PTPN2: variants seen among roughly 807,000 people sequenced by gnomAD.
PTPN2 encodes tyrosine-protein phosphatase non-receptor type 2.
Under a neutral mutation model 57.3 loss-of-function variants are expected in PTPN2, and 19 were observed. The observed-to-expected ratio is 0.33, with a 90% CI of 0.23 to 0.49. The LOEUF is 0.49. PTPN2 is among the 20% of genes least tolerant of loss of function. The probability of loss-of-function intolerance (pLI) is 0.99; values close to 1 mark genes in which losing one functional copy is unlikely to be tolerated. For missense variants in PTPN2, 358 were observed against 501.1 expected (o/e 0.71, Z 2.73); for synonymous variants, 153 against 164.9 (o/e 0.93, Z 0.55).
At chr18:12,790,737 C>T (rs1007750041), downstream of PTPN2, among the ~76,000 whole-genome samples, 10 of 152,178 alleles carry the variant, frequency 6.6e-5, no homozygotes, top group Non-Finnish European at 1.5e-5. Flanking sequence ...ACACATTTTT[C>T]GATTCATACC....
At chr18:12,813,245 C>T (rs751653783) in intron 7 of PTPN2, among the ~76,000 whole-genome samples, 10 of 152,168 alleles carry the variant, frequency 6.6e-5, no homozygotes, top group Non-Finnish European at 1.5e-4. Context: ...TCTTAAACAT[C>T]TGAAATAACT....
rs76839599 is a variant in PTPN2, at chr18:12,809,756, T to C, written c.858+4447A>G. Among the ~76,000 whole-genome samples, 1,174 of 152,386 alleles carry C rather than the reference T, an allele frequency of 7.7e-3. 8 individuals are homozygous for C. Among genetic ancestry groups the C allele is most frequent in the African/African-American group, 0.027 (1,117 of 41,592 alleles). On this transcript the variant is annotated intron_variant, in intron 7 of 8. Coordinates refer to ENST00000309660, the MANE Select transcript of PTPN2 (RefSeq NM_002828.4). The stretch of plus-strand genomic sequence containing the variant: ...GAATATTCATTCCCTGGAGTTACTC[T>C]TGTGCAATATGGTACTGTTAAAAGC...
intron 8 of PTPN2, among the ~76,000 whole-genome samples, chr18:12,797,159 T>A (rs550323262): frequency 6.6e-6 from 1 of 152,296 alleles, no homozygotes; most frequent in South Asian, 2.1e-4. Flanking sequence ...GTAGGCAAAA[T>A]ATGTATAAAA....
intron 4 of PTPN2, among the ~76,000 whole-genome samples, chr18:12,830,530 T>A (rs991896831): frequency 1.3e-5 from 2 of 152,220 alleles, no homozygotes; most frequent in African/African-American, 4.8e-5. Flanking sequence ...TTGCCACATC[T>A]AATTAGAAGT....
intron 8 of PTPN2, 77 bp from the exon 9 acceptor site, chr18:12,794,562 C>T (rs1367553041): frequency 9.8e-6 from 15 of 1,522,866 alleles, no homozygotes; most frequent in African/African-American, 1.4e-5. Flanking sequence ...AGGACCTAGG[C>T]GCAAATAAAA....
chr18:12,811,439 G>GC (rs2041886625), intron 7 of PTPN2, among the ~76,000 whole-genome samples: 2 of 151,986 alleles, frequency 1.3e-5, no homozygotes, highest in Non-Finnish European at 2.9e-5. Context: ...CCCAGAATAT[G>GC]CAACAAATTC....
intron 1 of PTPN2, among the ~76,000 whole-genome samples, chr18:12,870,474 G>T (rs1247774752): frequency 1.0e-5 from 1 of 97,530 alleles, no homozygotes; most frequent in Admixed American, 1.1e-4. Context: ...GAGAGAGAGA[G>T]AGAGAGAGAG....
At chr18:12,876,792 T>C (rs1481579302) in intron 1 of PTPN2, among the ~76,000 whole-genome samples, 1 of 152,166 alleles carries the variant, frequency 6.6e-6, no homozygotes, top group East Asian at 1.9e-4. Flanking sequence ...TTCAGGAGAT[T>C]TGCAAATACC....
At chr18:12,816,415 C>A (rs559326914) in intron 6 of PTPN2, among the ~76,000 whole-genome samples, 2 of 152,252 alleles carry the variant, frequency 1.3e-5, no homozygotes, top group East Asian at 3.9e-4. Flanking sequence ...GCAGGGACTA[C>A]TGAAGGAGTA....
chr18:12,791,829 A>G (rs2040989652), downstream of PTPN2, among the ~76,000 whole-genome samples: 1 of 152,176 alleles, frequency 6.6e-6, no homozygotes, highest in Non-Finnish European at 1.5e-5. Context: ...GCATTCAGCC[A>G]GCTGAGGGGT....
chr18:12,790,978 C>T (rs1206636769), downstream of PTPN2, among the ~76,000 whole-genome samples: 2 of 152,168 alleles, frequency 1.3e-5, no homozygotes, highest in African/African-American at 4.8e-5. Flanking sequence ...TCTCCTCTAA[C>T]ACAAGAAATG....
At chr18:12,799,674 G>C (rs973814726) in intron 8 of PTPN2, among the ~76,000 whole-genome samples, 2 of 151,390 alleles carry the variant, frequency 1.3e-5, no homozygotes, top group African/African-American at 4.9e-5. Flanking sequence ...AACCTCCTGG[G>C]TTCAAGCAAT....
intron 1 of PTPN2, chr18:12,880,531 G>A (rs1347906475): frequency 6.6e-6 from 1 of 152,212 alleles, no homozygotes; most frequent in African/African-American, 2.4e-5. Context: ...GTCTTGTGTA[G>A]TCCGCTGACA....
chr18:12,798,606 G>A (rs1341853508), intron 8 of PTPN2, among the ~76,000 whole-genome samples: 5 of 152,158 alleles, frequency 3.3e-5, no homozygotes, highest in African/African-American at 1.2e-4. Flanking sequence ...TATTATGGAT[G>A]CATAGTATTC....
intron 1 of PTPN2, chr18:12,863,562 G>GT (rs2145488410): frequency 7.0e-6 from 1 of 143,412 alleles, no homozygotes; most frequent in South Asian, 2.4e-4. Flanking sequence ...GGGGGGGGGG[G>GT]GGCAAGTGGG....
At chr18:12,820,483 G>A (rs980758059) in intron 5 of PTPN2, among the ~76,000 whole-genome samples, 2 of 152,144 alleles carry the variant, frequency 1.3e-5, no homozygotes, top group East Asian at 1.9e-4. Context: ...GAAAAAAAAT[G>A]AGAGGGGAAA....
intron 7 of PTPN2, among the ~76,000 whole-genome samples, chr18:12,803,990 T>G (rs2041526527): frequency 6.6e-6 from 1 of 151,156 alleles, no homozygotes; most frequent in African/African-American, 2.4e-5. Flanking sequence ...CAAAAACAAG[T>G]CTCAACAAAT....
At chr18:12,852,040 G>C (rs1296669981) in intron 2 of PTPN2, among the ~76,000 whole-genome samples, 1 of 152,068 alleles carries the variant, frequency 6.6e-6, no homozygotes, top group Non-Finnish European at 1.5e-5. Flanking sequence ...GCCAGGGGCT[G>C]GGGGAAGAGG....
intron 2 of PTPN2, among the ~76,000 whole-genome samples, chr18:12,856,495 T>C (rs1568152314): frequency 1.3e-5 from 2 of 152,226 alleles, no homozygotes; most frequent in East Asian, 3.9e-4. Flanking sequence ...GGACAACCAC[T>C]GCATGGTCCG....
Sources: allele counts gnomAD v4.1 joint callset (sites outside exome capture counted in the v4.1 genomes callset), GRCh38; gene constraint gnomAD v4.1.1; transcripts MANE v1.5; gene names NCBI Gene and HGNC (gene_info 2026-07-23, HGNC 2026-07-21).